Variants in DUX4 observed in about 807,000 individuals in gnomAD.
DUX4 encodes double homeobox protein 4.
chr4:190,178,659 AT>A (rs1742440039), downstream of DUX4, among the ~76,000 whole-genome samples: 1 of 133,832 alleles, frequency 7.5e-6, no homozygotes, highest in African/African-American at 3.2e-5. Context: ...AAAGTGTTAC[AT>A]CACCTAAGTG....
At chr4:190,180,167 A>G (rs1742535071), downstream of DUX4, among the ~76,000 whole-genome samples, 3 of 61,736 alleles carry the variant, frequency 4.9e-5, no homozygotes, top group Admixed American at 2.4e-4. Context: ...CACCTGGGTG[A>G]TCAGTGCAGA....
At chr4:190,181,758 G>T (rs1579838078) in intron 1 of DUX4, among the ~76,000 whole-genome samples, 963 of 59,076 alleles carry the variant, frequency 0.016, no homozygotes, top group Non-Finnish European at 0.021. Flanking sequence ...GCAGAGATAT[G>T]TAACAATGCC....
At position 190,174,889 on chromosome 4, in the gene DUX4, G is replaced by GGTCTGCACTCCCCTGCGGC. The variant is rs1742180042; in HGVS notation, c.1116_1117insGTCTGCACTCCCCTGCGGC (p.Leu373ValfsTer10). On this transcript the variant is annotated frameshift_variant, in exon 1 of 2. Coordinates refer to ENST00000565211, the MANE Select transcript of DUX4 (RefSeq NM_001306068.3). LOFTEE classifies it high-confidence loss of function. ...CCTGGTCTGCACTCCCCTGCGGCCT[G>GGTCTGCACTCCCCTGCGGC]CTGCTGGATGAGCTCCTGGCGAGCC... The GGTCTGCACTCCCCTGCGGC allele has an allele frequency of 3.5e-6, 1 of 288,344 alleles. No individual in the cohort carries two copies. The highest frequency in any genetic ancestry group is 2.7e-5 in the African/African-American group (1 of 36,596). The allele number at this position is 288,344 out of a possible 1,614,324, so 17.9% of individuals were successfully genotyped here.
Position 190,175,797 on chromosome 4 carries a change from G to T in DUX4, c.*387G>T, listed in dbSNP as rs1742274658. On this transcript the variant is annotated 3_prime_UTR_variant, in exon 2 of 2. Coordinates refer to ENST00000565211, the MANE Select transcript of DUX4 (RefSeq NM_001306068.3). ...TGGATTAGAGTTACATCTCCTGGATGATTAGTTCAGAGATATATTAAAATG... is the reference window on the plus strand; with the variant it reads ...TGGATTAGAGTTACATCTCCTGGATTATTAGTTCAGAGATATATTAAAATG... The T allele has an allele frequency of 6.6e-6, 1 of 152,202 alleles. No individual in the cohort carries two copies. Among genetic ancestry groups the T allele is most frequent in the Non-Finnish European group, 1.3e-5 (1 of 77,564 alleles). The allele number at this position is 152,202 out of a possible 1,614,324, so 9.4% of individuals were successfully genotyped here.
chr4:190,180,024 C>T (rs1742526216), downstream of DUX4, among the ~76,000 whole-genome samples: 4 of 137,460 alleles, frequency 2.9e-5, no homozygotes, highest in South Asian at 2.2e-4. Flanking sequence ...GTTACATCAC[C>T]TGTGTGATCA....
chr4:190,178,215 G>GA (rs1742410547), downstream of DUX4, among the ~76,000 whole-genome samples: 93 of 103,446 alleles, frequency 9.0e-4, no homozygotes, highest in East Asian at 2.8e-3. Context: ...ATGTCACAAT[G>GA]CCCCCTGTAG....
downstream of DUX4, among the ~76,000 whole-genome samples, chr4:190,178,215 GC>G (rs1742410675): frequency 1.9e-5 from 2 of 104,202 alleles, no homozygotes; most frequent in Admixed American, 1.1e-4. Flanking sequence ...ATGTCACAAT[GC>G]CCCCTGTAGG....
chr4:190,181,064 AGTGC>A (rs1742543360), intron 1 of DUX4, among the ~76,000 whole-genome samples: 1 of 147,756 alleles, frequency 6.8e-6, no homozygotes, highest in Non-Finnish European at 1.5e-5. Flanking sequence ...CTGGGTGATC[AGTGC>A]AGAGATATGT....
At chr4:190,176,862 G>A (rs1160375233), downstream of DUX4, among the ~76,000 whole-genome samples, 2,599 of 104,118 alleles carry the variant, frequency 0.025, 14 homozygotes, top group Non-Finnish European at 0.041. Flanking sequence ...TGTAGGCAAA[G>A]CCCATACAAG....
At chr4:190,183,705 T>A (rs1742632767) in intron 1 of DUX4, among the ~76,000 whole-genome samples, 1 of 113,790 alleles carries the variant, frequency 8.8e-6, no homozygotes, top group East Asian at 2.9e-4. Flanking sequence ...TCAAGCCATT[T>A]GTTCTTATTT....
downstream of DUX4, among the ~76,000 whole-genome samples, chr4:190,178,580 G>GCGATCAGTGCAGAGAAATGTC (rs1742435077): frequency 3.3e-5 from 5 of 151,182 alleles, no homozygotes; most frequent in Non-Finnish European, 7.4e-5. Flanking sequence ...GCAGAGGGTA[G>GCGATCAGTGCAGAGAAATGTC]ACAAGAGTTA....
chr4:190,179,560 G>T (rs1742503516), downstream of DUX4, among the ~76,000 whole-genome samples: 5 of 152,324 alleles, frequency 3.3e-5, no homozygotes, highest in Non-Finnish European at 4.4e-5. Context: ...TGGGTGATCA[G>T]TGCAGTGATA....
At chr4:190,177,142 G>C (rs1579832443), downstream of DUX4, among the ~76,000 whole-genome samples, 5 of 149,874 alleles carry the variant, frequency 3.3e-5, no homozygotes, top group East Asian at 2.0e-4. Context: ...GCAGAGAGTG[G>C]ACAAGAGTTA....
At chr4:190,181,742 A>ATAGCT (rs1742592861) in intron 1 of DUX4, among the ~76,000 whole-genome samples, 1 of 136,922 alleles carries the variant, frequency 7.3e-6, no homozygotes, top group Non-Finnish European at 1.6e-5. Context: ...CACCTGGGTG[A>ATAGCT]TCAGTGCAGA....
At chr4:190,180,005 TAAACTAGAGTTACATCACCTGTG>T (rs1742524284), downstream of DUX4, among the ~76,000 whole-genome samples, 1 of 128,764 alleles carries the variant, frequency 7.8e-6, no homozygotes, top group Non-Finnish European at 1.6e-5. Flanking sequence ...AGGCAGAGCT[TAAACTAGAGTTACATCACCTGTG>T]TGATCAGTGC....
downstream of DUX4, among the ~76,000 whole-genome samples, chr4:190,179,403 GTA>G (rs1742490795): frequency 4.8e-5 from 5 of 104,054 alleles, no homozygotes; most frequent in East Asian, 5.3e-4. Flanking sequence ...TTGACAAGTG[GTA>G]CATCACCTGG....
chr4:190,180,128 A>T (rs1742532737), downstream of DUX4, among the ~76,000 whole-genome samples: 1 of 89,044 alleles, frequency 1.1e-5, no homozygotes, highest in African/African-American at 4.3e-5. Flanking sequence ...CAATGCCGCC[A>T]GTAGGCAGAG....
downstream of DUX4, among the ~76,000 whole-genome samples, chr4:190,177,960 A>C (rs1742396452): frequency 1.4e-3 from 199 of 144,674 alleles, no homozygotes; most frequent in Middle Eastern, 3.5e-3. Context: ...GGCAGAGCCT[A>C]GACAAGAGTT....
chr4:190,183,866 G>T (rs1742635112), intron 1 of DUX4, among the ~76,000 whole-genome samples: 1 of 122,100 alleles, frequency 8.2e-6, no homozygotes, highest in Non-Finnish European at 1.9e-5. Flanking sequence ...AAGCCTCGTG[G>T]TTAGTGGGGA....
Sources: gnomAD v4.1 joint callset for allele counts (sites outside exome capture counted in the v4.1 genomes callset) on GRCh38, gnomAD v4.1.1 for gene constraint, MANE v1.5 for transcripts, NCBI Gene and HGNC (gene_info 2026-07-23, HGNC 2026-07-21) for gene names.